Variants in MAP3K15 observed in about 807,000 individuals in gnomAD.
MAP3K15 encodes the protein mitogen-activated protein kinase kinase kinase 15, also known as MAPK/ERK kinase kinase 15.
MAP3K15 carries 124 observed loss-of-function variants against 99.5 expected under a neutral mutation model. The observed-to-expected ratio is 1.25, with a 90% CI of 1.08 to 1.45. MAP3K15 has a LOEUF of 1.45. MAP3K15 is among the 40% of genes most tolerant of loss of function. The pLI, the probability that MAP3K15 is intolerant of heterozygous loss-of-function variation, is 0.00. For missense variants in MAP3K15, 1,242 were observed against 1,079.7 expected (o/e 1.15, Z -2.11); for synonymous variants, 494 against 439.6 (o/e 1.12, Z -1.55).
At chrX:19,445,276 A>G (rs910901205) in intron 6 of MAP3K15, among the ~76,000 whole-genome samples, 1 of 110,209 alleles carries the variant, frequency 9.1e-6, no homozygotes, top group Non-Finnish European at 1.9e-5. Flanking sequence ...GACTCTAGAC[A>G]TGTATTAAAA....
intron 1 of MAP3K15, among the ~76,000 whole-genome samples, chrX:19,513,186 G>A (rs1467921235): frequency 1.8e-5 from 2 of 111,510 alleles, no homozygotes; most frequent in Admixed American, 9.6e-5. Flanking sequence ...CTCCAGAATT[G>A]AAAGCCTGAG....
At chrX:19,456,872 G>A (rs1455405708) in intron 6 of MAP3K15, 41 bp downstream of exon 6, 1 of 981,510 alleles carries the variant, frequency 1.0e-6, no homozygotes. Context: ...AATTCAATGG[G>A]TGGCATGTTT....
Position 19,433,046 on chromosome X carries a change from T to C in MAP3K15, c.996-1438A>G, listed in dbSNP as rs2063896335. Among the ~76,000 whole-genome samples the C allele has an allele frequency of 4.5e-5, 5 of 112,046 alleles. No individual in the cohort carries two copies. The South Asian group carries it at 1.9e-3, about 42-fold the overall frequency. ...TAGCTTTTAAAGATACACACTTAAA[T>C]ATCTGGGGATAAAATGGTATGTCTT... is the stretch of plus-strand genomic sequence containing the variant. On this transcript the variant is annotated intron_variant, in intron 6 of 28. Transcript: ENST00000338883.
chrX:19,419,615 C>T (rs1224329743), intron 9 of MAP3K15, among the ~76,000 whole-genome samples: 1 of 111,212 alleles, frequency 9.0e-6, no homozygotes, highest in Non-Finnish European at 1.9e-5. Context: ...CCACTGTCAA[C>T]ATTAGACAGA....
chrX:19,415,697 A>G (rs1459404572), intron 9 of MAP3K15, among the ~76,000 whole-genome samples: 1 of 110,821 alleles, frequency 9.0e-6, no homozygotes, highest in African/African-American at 3.3e-5. Flanking sequence ...CTTTGCAGAT[A>G]AACTGTGAAG....
chrX:19,457,377 G>C (rs989203110), intron 5 of MAP3K15, among the ~76,000 whole-genome samples: 2 of 111,794 alleles, frequency 1.8e-5, no homozygotes, highest in Admixed American at 1.9e-4. Flanking sequence ...TTTGAGAGGC[G>C]GAGGTGGGTG....
intron 16 of MAP3K15, among the ~76,000 whole-genome samples, chrX:19,392,835 C>T (rs1442561619): frequency 9.0e-6 from 1 of 111,159 alleles, no homozygotes; most frequent in Non-Finnish European, 1.9e-5. Context: ...ACTCAGGTCC[C>T]ATGACACTTG....
chrX:19,384,281 A>T (rs1285594014), intron 18 of MAP3K15, among the ~76,000 whole-genome samples: 1 of 111,048 alleles, frequency 9.0e-6, no homozygotes, highest in Non-Finnish European at 1.9e-5. Flanking sequence ...GAGAGCTAAA[A>T]ATCAAAACAA....
intron 25 of MAP3K15, among the ~76,000 whole-genome samples, chrX:19,367,723 A>ATGT (rs2063344606): frequency 4.1e-5 from 1 of 24,107 alleles, no homozygotes; most frequent in Non-Finnish European, 8.1e-5. Flanking sequence ...ATAACTATGG[A>ATGT]TTTTTTTTTT....
chrX:19,503,767 C>T (rs1157173579), intron 1 of MAP3K15, among the ~76,000 whole-genome samples: 1 of 110,239 alleles, frequency 9.1e-6, no homozygotes, highest in African/African-American at 3.3e-5. Flanking sequence ...CAGGCTCCTT[C>T]TTGCAGGAGC....
intron 3 of MAP3K15, among the ~76,000 whole-genome samples, chrX:19,465,188 C>G (rs1276479673): frequency 1.8e-5 from 2 of 111,403 alleles, no homozygotes; most frequent in Non-Finnish European, 3.8e-5. Flanking sequence ...GCCACCATAT[C>G]TGGCCTAAAT....
At chrX:19,416,926 T>C (rs766240130) in intron 9 of MAP3K15, among the ~76,000 whole-genome samples, 12 of 112,149 alleles carry the variant, frequency 1.1e-4, no homozygotes, top group African/African-American at 3.2e-4. Context: ...ACTCATTTTC[T>C]TTTTAATTAA....
chrX:19,391,945 T>C (rs2063530829), intron 18 of MAP3K15, 57 bp downstream of exon 18: 1 of 870,726 alleles, frequency 1.1e-6, no homozygotes, highest in Non-Finnish European at 1.7e-6. Context: ...AACCGCAGCT[T>C]GTGCAGAAAG....
chrX:19,419,374 G>T (rs2063763499), intron 9 of MAP3K15, among the ~76,000 whole-genome samples: 1 of 109,130 alleles, frequency 9.2e-6, no homozygotes, highest in South Asian at 4.0e-4. Context: ...ACAAAAAAAG[G>T]CAGGGGTTGC....
chrX:19,400,494 T>C (rs1430363337), intron 14 of MAP3K15, 82 bp downstream of exon 14: 1 of 727,845 alleles, frequency 1.4e-6, no homozygotes, highest in African/African-American at 2.1e-5. Flanking sequence ...AACAGAGGAT[T>C]TTTATAGAAA....
chrX:19,471,955 G>A (rs902724013), intron 3 of MAP3K15, among the ~76,000 whole-genome samples: 35 of 111,770 alleles, frequency 3.1e-4, no homozygotes, highest in Admixed American at 9.5e-5. Context: ...GGGCGCGGTG[G>A]CTCACGCCTG....
intron 6 of MAP3K15, among the ~76,000 whole-genome samples, chrX:19,444,400 C>G (rs1367706607): frequency 1.8e-5 from 2 of 111,590 alleles, no homozygotes; most frequent in African/African-American, 6.5e-5. Flanking sequence ...CAGTGATTCT[C>G]CTGAGCTGCT....
intron 1 of MAP3K15, among the ~76,000 whole-genome samples, chrX:19,494,577 T>C (rs1368021905): frequency 9.0e-6 from 1 of 111,287 alleles, no homozygotes; most frequent in Non-Finnish European, 1.9e-5. Context: ...AATTTTCTAG[T>C]GTGGTTTAAA....
At position 19,377,348 on chromosome X, in the gene MAP3K15, C is replaced by T. The variant is rs1035691927; in HGVS notation, c.2590-2688G>A. Among the ~76,000 whole-genome samples, 3 of 111,712 alleles carry T rather than the reference C, an allele frequency of 2.7e-5. No individual in the cohort carries two copies. The Admixed American group carries it at 2.8e-4, about 11-fold the overall frequency. On this transcript the variant is annotated intron_variant, in intron 19 of 28. Transcript: ENST00000338883. ...GCAGGTGGATCACTGGAGTTTGAGA[C>T]CAGTCTGGCCAACATGGTGAAACCC...
Sources: gnomAD v4.1 joint callset for allele counts (sites outside exome capture counted in the v4.1 genomes callset) on GRCh38, gnomAD v4.1.1 for gene constraint, MANE v1.5 for transcripts, NCBI Gene and HGNC (gene_info 2026-07-23, HGNC 2026-07-21) for gene names.